Variants in TTC28 observed in about 807,000 individuals in gnomAD.
TTC28 encodes the protein tetratricopeptide repeat protein 28.
A neutral mutation model predicts 198.0 loss-of-function variants in TTC28; 61 were observed. The observed-to-expected ratio is 0.31, with a 90% CI of 0.25 to 0.38. TTC28 has a LOEUF of 0.38. Ranked by LOEUF, TTC28 falls within the 10% of genes least tolerant of loss-of-function variation. The pLI is 1.00. For synonymous variants in TTC28, 1,171 were observed against 1,297.8 expected, an observed-to-expected ratio of 0.90 and a Z score of 2.10; for missense variants, 2,678 against 3,164.0, an observed-to-expected ratio of 0.85 and a Z score of 3.69.
In TTC28 at chr22:28,352,408, G is replaced by A. The variant is rs938996761; in HGVS notation, c.382-45765C>T. ...TATAGGGCTATTGTGGAAAGGCACA[G>A]CTCCAAATCTAAAAACAAAGAATGA... On this transcript the variant is annotated intron_variant, in intron 2 of 22. Coordinates refer to ENST00000397906, the MANE Select transcript of TTC28 (RefSeq NM_001145418.2). Among the ~76,000 whole-genome samples the A allele has an allele frequency of 4.0e-5, 6 of 151,888 alleles. No homozygotes were observed. In the South Asian group the frequency reaches 1.2e-3, roughly 32 times the overall value.
intron 2 of TTC28, among the ~76,000 whole-genome samples, chr22:28,596,611 T>C (rs1394779235): frequency 3.3e-5 from 5 of 152,212 alleles, no homozygotes; most frequent in African/African-American, 1.2e-4. Flanking sequence ...GACTAAAAGA[T>C]AAAGCAGCAG....
At chr22:28,103,712 T>C (rs1176397328) in intron 8 of TTC28, among the ~76,000 whole-genome samples, 1 of 152,070 alleles carries the variant, frequency 6.6e-6, no homozygotes, top group Non-Finnish European at 1.5e-5. Flanking sequence ...ACTTAAAAAA[T>C]TACAAGAAAC....
Position 28,050,521 on chromosome 22 carries a change from G to A in TTC28, c.3933-20155C>T, listed in dbSNP as rs552414923. ...TGGAAAGAACATTTGCATATATTAC[G>A]TACATGCTACATGTTATTTAGGAGC... On this transcript the variant is annotated intron_variant, in intron 12 of 22. Coordinates refer to ENST00000397906, the MANE Select transcript of TTC28 (RefSeq NM_001145418.2). Among the ~76,000 whole-genome samples, 6 of 152,258 alleles carry A rather than the reference G, an allele frequency of 3.9e-5. No homozygotes were observed. The South Asian group carries it at 8.3e-4, about 21-fold the overall frequency.
chr22:28,118,458 G>C (rs1476925053), intron 6 of TTC28, among the ~76,000 whole-genome samples: 1 of 151,930 alleles, frequency 6.6e-6, no homozygotes, highest in Admixed American at 6.6e-5. Flanking sequence ...GTCAATGACA[G>C]ACTGTAGATA....
intron 13 of TTC28, among the ~76,000 whole-genome samples, chr22:28,015,131 G>C (rs1938313548): frequency 6.6e-6 from 1 of 152,208 alleles, no homozygotes; most frequent in Admixed American, 6.5e-5. Context: ...TCATTCATTT[G>C]GAAAATTTTC....
chr22:28,033,634 T>G (rs1014529401), intron 12 of TTC28, among the ~76,000 whole-genome samples: 1 of 152,212 alleles, frequency 6.6e-6, no homozygotes, highest in African/African-American at 2.4e-5. Flanking sequence ...TTAAACTATC[T>G]CTGTTCAAAT....
intron 5 of TTC28, among the ~76,000 whole-genome samples, chr22:28,201,351 T>C (rs557930628): frequency 6.6e-6 from 1 of 152,142 alleles, no homozygotes; most frequent in South Asian, 2.1e-4. Flanking sequence ...ATAATACAAG[T>C]TTGATGAAGA....
chr22:28,131,864 T>C (rs1943066385), intron 6 of TTC28, among the ~76,000 whole-genome samples: 1 of 152,242 alleles, frequency 6.6e-6, no homozygotes, highest in African/African-American at 2.4e-5. Context: ...TTATTATTAA[T>C]ATATAGCCTG....
At chr22:28,264,028 G>A (rs1178428892) in intron 5 of TTC28, among the ~76,000 whole-genome samples, 2 of 152,138 alleles carry the variant, frequency 1.3e-5, no homozygotes, top group African/African-American at 4.8e-5. Flanking sequence ...TGGGGAGGCA[G>A]AAAGACCAAT....
At chr22:28,038,129 A>G (rs150427886) in intron 12 of TTC28, among the ~76,000 whole-genome samples, 13,084 of 152,288 alleles carry the variant, frequency 0.086, 747 homozygotes, top group South Asian at 0.24. Context: ...ATCCCCATCA[A>G]GCTACCAATG....
intron 6 of TTC28, among the ~76,000 whole-genome samples, chr22:28,135,364 TAAATCCATTAATG>T (rs1469744124): frequency 6.6e-6 from 1 of 152,242 alleles, no homozygotes; most frequent in Non-Finnish European, 1.5e-5. Flanking sequence ...AATAACTTAT[TAAATCCATTAATG>T]AATTAAATTT....
intron 5 of TTC28, among the ~76,000 whole-genome samples, chr22:28,276,983 T>C (rs2044485435): frequency 6.6e-6 from 1 of 152,126 alleles, no homozygotes; most frequent in South Asian, 2.1e-4. Context: ...TCCTAAAAAA[T>C]AGTTAAAAAG....
chr22:28,631,367 T>C (rs986616320), intron 1 of TTC28, among the ~76,000 whole-genome samples: 1 of 152,214 alleles, frequency 6.6e-6, no homozygotes, highest in Non-Finnish European at 1.5e-5. Context: ...TTTTGAAGAC[T>C]AGCAAAAACT....
intron 5 of TTC28, among the ~76,000 whole-genome samples, chr22:28,239,486 C>G (rs1271271155): frequency 6.6e-6 from 1 of 152,120 alleles, no homozygotes; most frequent in Non-Finnish European, 1.5e-5. Context: ...TATAGAGAAG[C>G]AAGCAACTAC....
chr22:28,567,875 C>T (rs2050005255), intron 2 of TTC28, among the ~76,000 whole-genome samples: 1 of 151,770 alleles, frequency 6.6e-6, no homozygotes, highest in South Asian at 2.1e-4. Context: ...GCGCTCAATC[C>T]TAATTAAACC....
chr22:28,305,823 A>G (rs1210334446), intron 3 of TTC28, among the ~76,000 whole-genome samples: 1 of 152,198 alleles, frequency 6.6e-6, no homozygotes, highest in African/African-American at 2.4e-5. Flanking sequence ...CTCAAAATGA[A>G]GCCAATCTGT....
intron 2 of TTC28, among the ~76,000 whole-genome samples, chr22:28,556,508 T>C (rs1417248454): frequency 6.6e-6 from 1 of 152,198 alleles, no homozygotes; most frequent in Non-Finnish European, 1.5e-5. Context: ...AGTCCAAGTG[T>C]TGTTACTCTC....
At chr22:28,067,849 T>C (rs1362443610) in intron 12 of TTC28, among the ~76,000 whole-genome samples, 1 of 152,248 alleles carries the variant, frequency 6.6e-6, no homozygotes, top group Non-Finnish European at 1.5e-5. Flanking sequence ...CTAAGTGATA[T>C]TTTATTTATC....
chr22:28,029,044 T>C (rs1938964981), intron 13 of TTC28: 1 of 471,088 alleles, frequency 2.1e-6, no homozygotes, highest in Non-Finnish European at 4.4e-6. Context: ...CTGCCTTCAC[T>C]GGCTGAGAAG....
Sources: gnomAD v4.1 joint callset for allele counts (sites outside exome capture counted in the v4.1 genomes callset) on GRCh38, gnomAD v4.1.1 for gene constraint, MANE v1.5 for transcripts, NCBI Gene and HGNC (gene_info 2026-07-23, HGNC 2026-07-21) for gene names.